The following KCNMA1 variants were observed in gnomAD, a reference collection of about 807,000 sequenced individuals.
KCNMA1 encodes Calcium-activated potassium channel subunit alpha-1.
KCNMA1 carries 29 observed loss-of-function variants against 140.0 expected under a neutral mutation model. The ratio of observed to expected loss-of-function variants is 0.21; its 90% CI spans 0.15 to 0.28. The LOEUF is 0.28. KCNMA1 is among the 10% of genes least tolerant of loss of function. KCNMA1 has a pLI of 1.00. For synonymous variants in KCNMA1, 612 were observed against 611.9 expected, an observed-to-expected ratio of 1.00 and a Z score of 0.00; for missense variants, 880 against 1,602.2, an observed-to-expected ratio of 0.55 and a Z score of 7.70.
At chr10:77,510,793 C>T (rs917280374) in intron 1 of KCNMA1, among the ~76,000 whole-genome samples, 5 of 152,056 alleles carry the variant, frequency 3.3e-5, no homozygotes, top group East Asian at 1.9e-4. Context: ...AAAGGCCCTG[C>T]TTCTTTAGAA....
chr10:77,450,336 G>A lies in KCNMA1; in HGVS notation c.379-46313C>T, dbSNP rs567398537. ...CTCCCAAAGTGCTGGGAGTACAGGCGTGAGCCGCTGTACCCAGATTTATTT... is the reference window on the plus strand; with the variant it reads ...CTCCCAAAGTGCTGGGAGTACAGGCATGAGCCGCTGTACCCAGATTTATTT... On this transcript the variant is annotated intron_variant, in intron 1 of 27. Coordinates refer to ENST00000286628, the MANE Select transcript of KCNMA1 (RefSeq NM_001161352.2). Among the ~76,000 whole-genome samples the A allele has an allele frequency of 1.1e-3, 160 of 152,286 alleles. 3 individuals are homozygous for A. In the South Asian group the frequency reaches 0.03, roughly 29 times the overall value.
chr10:77,181,245 T>C (rs2098800030), intron 5 of KCNMA1, among the ~76,000 whole-genome samples: 1 of 152,150 alleles, frequency 6.6e-6, no homozygotes, highest in African/African-American at 2.4e-5. Context: ...AAAAGCAAAG[T>C]GGTTGTTCGA....
chr10:77,437,136 G>A (rs2097282501), intron 1 of KCNMA1, among the ~76,000 whole-genome samples: 1 of 152,144 alleles, frequency 6.6e-6, no homozygotes, highest in African/African-American at 2.4e-5. Context: ...ACAGAGCACA[G>A]AACTCCATTA....
rs1025676558 is a variant in KCNMA1 at position 76,886,354 on chromosome 10, T to C, written c.*912A>G. On this transcript the variant is annotated 3_prime_UTR_variant, in exon 28 of 28. Coordinates refer to ENST00000286628, the MANE Select transcript of KCNMA1 (RefSeq NM_001161352.2). ...ATTCACCTTTTAAAAGATGTAAAAG[T>C]CCCAGGAAGGCAGTTTTTAATGACT... 5.1e-6 allele frequency: 5 copies of C among 984,832 alleles called. No individual in the cohort carries two copies. The highest frequency in any genetic ancestry group is 1.7e-5 in the African/African-American group (1 of 57,204). 61.0% of individuals were successfully genotyped at this position (984,832 alleles called of 1,614,324 possible). A position where few individuals can be genotyped will look rare whatever the true frequency, so the allele number is the denominator to read the frequency against.
chr10:76,914,028 CTGA>C, intron 24 of KCNMA1: 1 of 1,484,754 alleles, frequency 6.7e-7, no homozygotes, highest in Admixed American at 2.0e-5. Context: ...AAAGGAGATA[CTGA>C]TGTGAAGGAA....
chr10:77,063,445 C>CA (rs922647875), intron 14 of KCNMA1, among the ~76,000 whole-genome samples: 39 of 144,884 alleles, frequency 2.7e-4, no homozygotes, highest in East Asian at 1.6e-3. Flanking sequence ...ATCTCCGTCT[C>CA]AAAAAAAAAA....
rs1180967661 is a variant in KCNMA1 at position 77,110,096 on chromosome 10, CA to C, written c.1131+76del. The C allele has an allele frequency of 3.1e-6, 4 of 1,305,348 alleles. No homozygotes were observed. The African/African-American group carries it at 5.8e-5, about 19-fold the overall frequency. 80.9% of individuals were successfully genotyped at this position (1,305,348 alleles called of 1,614,324 possible). ...CTAGTGCAGAATACAGTCTAAAATA[CA>C]AAGCTTTAAGGAAATGTATCATGGA... On this transcript the variant is annotated intron_variant, in intron 8 of 27. Coordinates refer to ENST00000286628, the MANE Select transcript of KCNMA1 (RefSeq NM_001161352.2).
intron 3 of KCNMA1, among the ~76,000 whole-genome samples, chr10:77,215,335 C>CT (rs71028260): frequency 0.32 from 48,462 of 151,190 alleles, 8,224 homozygotes; most frequent in Non-Finnish European, 0.35. Context: ...ATGGTCTTTT[C>CT]TTTATCTTCT....
At position 77,012,025 on chromosome 10, in the gene KCNMA1, C is replaced by A; in HGVS notation, c.2034G>T (p.Lys678Asn). The change falls in exon 18 of 28, where the codon AAG becomes AAT. Residue 678 changes from lysine (K) to asparagine (N), a missense_variant. Transcript: ENST00000286628. ...KEVKRAFFYC[K>N]ACHDDITDPK... ...GATCTGTGATGTCATCATGACAGGC[C>A]TTGCAGTAAAAAAATGCCCTGGAGA... is the stretch of plus-strand genomic sequence containing the variant. 6.2e-7 allele frequency: 1 copy of A among 1,613,808 alleles called. No individual in the cohort carries two copies. The highest frequency in any genetic ancestry group is 8.5e-7 in the Non-Finnish European group (1 of 1,179,872).
At chr10:77,353,198 G>C (rs982880918) in intron 2 of KCNMA1, among the ~76,000 whole-genome samples, 3 of 152,098 alleles carry the variant, frequency 2.0e-5, no homozygotes, top group African/African-American at 7.2e-5. Context: ...CCCTGGACTG[G>C]GAAGCTCCTC....
At chr10:77,100,726 G>A (rs2097076347) in intron 9 of KCNMA1, among the ~76,000 whole-genome samples, 2 of 152,088 alleles carry the variant, frequency 1.3e-5, no homozygotes. Flanking sequence ...GAAAACAGGG[G>A]GCAACCTAGT....
intron 3 of KCNMA1, among the ~76,000 whole-genome samples, chr10:77,204,820 A>C (rs1440853614): frequency 6.6e-6 from 1 of 152,204 alleles, no homozygotes; most frequent in African/African-American, 2.4e-5. Context: ...CCTGCATACG[A>C]GTGAAACTAC....
At chr10:77,503,721 C>A (rs746652814) in intron 1 of KCNMA1, among the ~76,000 whole-genome samples, 1 of 152,162 alleles carries the variant, frequency 6.6e-6, no homozygotes. Context: ...CAAGCCTCTG[C>A]CCTCATGGAT....
chr10:77,589,749 C>A (rs1003170412), intron 1 of KCNMA1, among the ~76,000 whole-genome samples: 11 of 152,122 alleles, frequency 7.2e-5, no homozygotes, highest in Non-Finnish European at 1.6e-4. Flanking sequence ...AGTGAAGCTG[C>A]AGACCTTCGC....
At chr10:77,304,682 G>A (rs546122518) in intron 2 of KCNMA1, 6 of 152,334 alleles carry the variant, frequency 3.9e-5, no homozygotes, top group Middle Eastern at 3.4e-3. Flanking sequence ...TTGGTCGTTC[G>A]AAGCCCCTGA....
chr10:77,333,771 C>T (rs1220879886), intron 2 of KCNMA1, among the ~76,000 whole-genome samples: 5 of 152,188 alleles, frequency 3.3e-5, no homozygotes, highest in Admixed American at 3.3e-4. Context: ...CGGAGTGACT[C>T]CGCAGCTGCT....
intron 3 of KCNMA1, among the ~76,000 whole-genome samples, chr10:77,198,677 T>C (rs181784197): frequency 3.0e-4 from 46 of 151,684 alleles, no homozygotes; most frequent in African/African-American, 1.1e-3. Flanking sequence ...ATGTCAAGGC[T>C]ACACTGGATA....
chr10:77,221,474 A>G (rs897197078), intron 3 of KCNMA1, among the ~76,000 whole-genome samples: 1 of 152,164 alleles, frequency 6.6e-6, no homozygotes, highest in African/African-American at 2.4e-5. Flanking sequence ...TTGATAGCAC[A>G]AGAGGGTGAC....
At chr10:77,564,217 A>T (rs80094291) in intron 1 of KCNMA1, among the ~76,000 whole-genome samples, 2,227 of 152,260 alleles carry the variant, frequency 0.015, 60 homozygotes, top group African/African-American at 0.051. Context: ...CAATCAATAA[A>T]GGCTTCCTGC....
Sources: allele counts gnomAD v4.1 joint callset (sites outside exome capture counted in the v4.1 genomes callset), GRCh38; gene constraint gnomAD v4.1.1; transcripts MANE v1.5; gene names NCBI Gene and HGNC (gene_info 2026-07-23, HGNC 2026-07-21).